The following NAALADL2 variants were observed in gnomAD, a reference collection of about 807,000 sequenced individuals.
NAALADL2 encodes inactive N-acetylated-alpha-linked acidic dipeptidase-like protein 2.
NAALADL2 carries 76 observed loss-of-function variants against 87.2 expected under a neutral mutation model. The ratio of observed to expected loss-of-function variants is 0.87; its 90% CI spans 0.72 to 1.05. The LOEUF is 1.05. Among genes scored for constraint, NAALADL2 ranks in the 50% least tolerant of loss-of-function variants. NAALADL2 has a pLI of 0.00. For synonymous variants in NAALADL2, 354 were observed against 331.0 expected, an observed-to-expected ratio of 1.07 and a Z score of -0.75; for missense variants, 1,089 against 945.8, an observed-to-expected ratio of 1.15 and a Z score of -1.99.
intron 2 of NAALADL2, among the ~76,000 whole-genome samples, chr3:175,186,177 G>A (rs1190145799): frequency 6.6e-6 from 1 of 151,966 alleles, no homozygotes. Context: ...ATGAACTCAG[G>A]GAACTAAAAG....
At chr3:174,603,831 C>T (rs1443605337) in intron 2 of NAALADL2, among the ~76,000 whole-genome samples, 2 of 151,878 alleles carry the variant, frequency 1.3e-5, no homozygotes, top group Non-Finnish European at 2.9e-5. Context: ...ACTGGCCATT[C>T]AGGAGTGTAT....
intron 9 of NAALADL2, among the ~76,000 whole-genome samples, chr3:175,497,683 T>C (rs1462240074): frequency 6.6e-6 from 1 of 152,104 alleles, no homozygotes; most frequent in African/African-American, 2.4e-5. Context: ...TGGGTGGATT[T>C]TGTGAAAATA....
intron 1 of NAALADL2, among the ~76,000 whole-genome samples, chr3:174,489,790 G>T (rs186572450): frequency 6.6e-6 from 1 of 152,030 alleles, no homozygotes; most frequent in Non-Finnish European, 1.5e-5. Context: ...ACCCACTGGG[G>T]TGGCAAAAAG....
chr3:175,736,101 GCATT>G, intron 11 of NAALADL2, among the ~76,000 whole-genome samples: 1 of 152,066 alleles, frequency 6.6e-6, no homozygotes, highest in Non-Finnish European at 1.5e-5. Context: ...GATAACAATG[GCATT>G]TGCTGCCAGC....
At position 175,408,269 on chromosome 3, in the gene NAALADL2, A is replaced by C. The variant is rs77943465; in HGVS notation, c.1091-38960A>C. 3.3e-3 allele frequency among the ~76,000 whole-genome samples: 499 copies of C among 152,262 alleles called. 2 individuals carry two copies. Among genetic ancestry groups the C allele is most frequent in the African/African-American group, 0.011 (450 of 41,588 alleles). ...TATATTTCAAAATTGATAAAAGAGT[A>C]GATTTTTAATGTTCTCACTGGACAA... On this transcript the variant is annotated intron_variant, in intron 5 of 13. Coordinates refer to ENST00000454872, the MANE Select transcript of NAALADL2 (RefSeq NM_207015.3).
chr3:175,784,465 T>G (rs1435762197), intron 13 of NAALADL2, among the ~76,000 whole-genome samples: 1 of 139,714 alleles, frequency 7.2e-6, no homozygotes, highest in Non-Finnish European at 1.5e-5. Context: ...TATCCATTTC[T>G]TCTAGATTTT....
At chr3:174,483,886 T>TA (rs1295024296) in intron 1 of NAALADL2, among the ~76,000 whole-genome samples, 1 of 151,744 alleles carries the variant, frequency 6.6e-6, no homozygotes, top group East Asian at 1.9e-4. Context: ...AAGCAAAAAA[T>TA]ATCAGTAAAA....
intron 2 of NAALADL2, among the ~76,000 whole-genome samples, chr3:175,173,853 C>T (rs903602197): frequency 6.6e-6 from 1 of 152,160 alleles, no homozygotes; most frequent in Non-Finnish European, 1.5e-5. Context: ...CAATTTTCGT[C>T]TATAGAGTTT....
At chr3:174,619,783 G>T (rs1481854235) in intron 2 of NAALADL2, among the ~76,000 whole-genome samples, 2 of 151,506 alleles carry the variant, frequency 1.3e-5, no homozygotes, top group Non-Finnish European at 3.0e-5. Context: ...ATATTTTTAG[G>T]GTTTATTTTC....
chr3:175,106,266 A>G (rs1723145508), intron 2 of NAALADL2, among the ~76,000 whole-genome samples: 1 of 152,056 alleles, frequency 6.6e-6, no homozygotes, highest in Admixed American at 6.6e-5. Context: ...TGGAACCATT[A>G]ATTTTTCTAA....
At chr3:174,655,626 T>C (rs1033868929) in intron 2 of NAALADL2, among the ~76,000 whole-genome samples, 200 of 152,182 alleles carry the variant, frequency 1.3e-3, no homozygotes, top group African/African-American at 4.6e-3. Context: ...TGAATATTTT[T>C]ACCAAATTAA....
intron 1 of NAALADL2, among the ~76,000 whole-genome samples, chr3:174,494,923 G>A (rs550284549): frequency 1.3e-4 from 20 of 152,200 alleles, no homozygotes; most frequent in African/African-American, 4.6e-4. Context: ...GGTAATTATG[G>A]AATTTTCAGA....
rs1553855396 is a variant in NAALADL2, at chr3:174,787,596, T to TATATAC, written c.-9+49855_-9+49856insCATATA. ...ATCATCATATATATATATATATATA[T>TATATAC]ATATATATATATATATATATATATA... On this transcript the variant is annotated intron_variant, in intron 3 of 3. Transcript: ENST00000434257. 4.6e-5 allele frequency among the ~76,000 whole-genome samples: 3 copies of TATATAC among 65,814 alleles called. 1 individual carries two copies. Among genetic ancestry groups the TATATAC allele is most frequent in the South Asian group, 5.7e-4 (1 of 1,754 alleles). 43.2% of individuals were successfully genotyped at this position (65,814 alleles called of 152,430 possible). A position where few individuals can be genotyped will look rare whatever the true frequency, so the allele number is the denominator to read the frequency against.
At chr3:174,762,830 AAATCTT>A (rs1370636366) in intron 3 of NAALADL2, among the ~76,000 whole-genome samples, 2 of 152,236 alleles carry the variant, frequency 1.3e-5, no homozygotes, top group African/African-American at 4.8e-5. Flanking sequence ...TAATAAAAAA[AAATCTT>A]AATTACATGG....
chr3:175,633,711 T>C (rs548192945), intron 11 of NAALADL2, among the ~76,000 whole-genome samples: 5 of 152,046 alleles, frequency 3.3e-5, no homozygotes, highest in Admixed American at 2.0e-4. Context: ...AGTTTATTTG[T>C]CCTTTCATTG....
At chr3:174,507,424 T>A (rs1414106917) in intron 1 of NAALADL2, among the ~76,000 whole-genome samples, 1 of 152,194 alleles carries the variant, frequency 6.6e-6, no homozygotes, top group African/African-American at 2.4e-5. Flanking sequence ...ATTTTTTTAA[T>A]ACATTTCAAT....
chr3:174,753,911 C>T (rs533095468), intron 3 of NAALADL2, among the ~76,000 whole-genome samples: 1 of 152,304 alleles, frequency 6.6e-6, no homozygotes, highest in African/African-American at 2.4e-5. Context: ...GACATCAGAG[C>T]TCTCTTTCTC....
chr3:175,387,505 A>C (rs1181068425), intron 5 of NAALADL2, among the ~76,000 whole-genome samples: 2 of 152,100 alleles, frequency 1.3e-5, no homozygotes, highest in Non-Finnish European at 2.9e-5. Context: ...ATTTATGTTT[A>C]GTATCATTAT....
At chr3:174,462,864 G>A (rs1313118465) in intron 1 of NAALADL2, among the ~76,000 whole-genome samples, 1 of 152,146 alleles carries the variant, frequency 6.6e-6, no homozygotes. Context: ...ATAAAATAAA[G>A]GCGCTAGTAG....
Sources: gnomAD v4.1 joint callset for allele counts (sites outside exome capture counted in the v4.1 genomes callset) on GRCh38, gnomAD v4.1.1 for gene constraint, MANE v1.5 for transcripts, NCBI Gene and HGNC (gene_info 2026-07-23, HGNC 2026-07-21) for gene names.